The following FBXW9 variants were observed in gnomAD, a reference collection of about 807,000 sequenced individuals.
FBXW9 encodes F-box/WD repeat-containing protein 9.
FBXW9 carries 38 observed loss-of-function variants against 55.8 expected under a neutral mutation model. That is an observed-to-expected ratio of 0.68 (90% CI 0.53 to 0.89). The LOEUF is 0.89. FBXW9 is among the 40% of genes least tolerant of loss of function. FBXW9 has a pLI of 0.00. For synonymous variants in FBXW9, 289 were observed against 278.2 expected (o/e 1.04, Z -0.38); for missense variants, 590 against 619.4 (o/e 0.95, Z 0.50).
chr19:12,691,290 T>C, intron 4 of FBXW9, 33 bp from the exon 5 acceptor site: 1 of 1,613,872 alleles, frequency 6.2e-7, no homozygotes, highest in Non-Finnish European at 8.5e-7. Context: ...GCTTTGGCTG[T>C]GGCCAGACAG....
chr19:12,689,911 G>A lies in FBXW9; in HGVS notation c.1033-37C>T, dbSNP rs1406486580. ...ACAAGGGACGGGACAGCTCAGGCCG[G>A]GCTGGGCCTGCAACAGTCCCCATCC... On this transcript the variant is annotated intron_variant, in intron 6 of 9. Coordinates refer to ENST00000393261, the MANE Select transcript of FBXW9 (RefSeq NM_032301.3). This position sits in a 1 kb window ranked among gnomAD's most constrained non-coding sequence, Gnocchi z 5.9. 1 of 1,611,986 alleles carries A rather than the reference G, an allele frequency of 6.2e-7. No individual in the cohort carries two copies. The highest frequency in any genetic ancestry group is 8.5e-7 in the Non-Finnish European group (1 of 1,178,160).
chr19:12,689,052 C>T lies in FBXW9; in HGVS notation c.*164G>A, dbSNP rs1281479970. ...CCTGAACCCCAATTTCACCCTTCCC[C>T]CGGGCATAGGGCCCAGGCCAGGACG... On this transcript the variant is annotated 3_prime_UTR_variant, in exon 10 of 10. Coordinates refer to ENST00000393261, the MANE Select transcript of FBXW9 (RefSeq NM_032301.3). The surrounding 1 kb of genome is among the most constrained non-coding windows in gnomAD (Gnocchi z 5.9). The T allele has an allele frequency of 2.8e-6, 2 of 724,552 alleles. No individual in the cohort carries two copies. Among genetic ancestry groups the T allele is most frequent in the South Asian group, 3.0e-5 (2 of 67,658 alleles). The allele number at this position is 724,552 out of a possible 1,614,324, so 44.9% of individuals were successfully genotyped here. A position where few individuals can be genotyped will look rare whatever the true frequency, so the allele number is the denominator to read the frequency against.
Position 12,696,183 on chromosome 19 carries a change from T to A in FBXW9, c.399A>T (p.Pro133=), listed in dbSNP as rs2025067617. The A allele has an allele frequency of 1.3e-6, 2 of 1,511,542 alleles. No homozygotes were observed. Among genetic ancestry groups the A allele is most frequent in the Non-Finnish European group, 1.8e-6 (2 of 1,129,370 alleles). 93.6% of individuals were successfully genotyped at this position (1,511,542 alleles called of 1,614,324 possible). The part of the protein sequence containing the change: ...RALRRVRAPY[P]VVEEKNFDWP... ...CCCGGCCCCGCGCACCTTCCACCAC[T>A]GGGTAGGGCGCGCGTACGCGGCGTA... Residue 133 remains proline, a synonymous_variant, in exon 1 of 10, where the codon CCA becomes CCT. Coordinates refer to ENST00000393261, the MANE Select transcript of FBXW9 (RefSeq NM_032301.3).
intron 5 of FBXW9, among the ~76,000 whole-genome samples, chr19:12,690,621 T>A (rs1568325199): frequency 2.0e-5 from 3 of 151,652 alleles, no homozygotes; most frequent in East Asian, 1.9e-4. Flanking sequence ...GTTCTCCATT[T>A]AAAAAAAAGA....
In FBXW9 at chr19:12,691,849, G is replaced by A. The variant is rs533702456; in HGVS notation, c.679-395C>T. 9.9e-5 allele frequency among the ~76,000 whole-genome samples: 15 copies of A among 151,952 alleles called. 1 individual carries two copies. The South Asian group carries it at 2.3e-3, about 23-fold the overall frequency. ...TGGCTCACTGCAACCTCTGCCTCCC[G>A]TGTTCAAGTGATTCTCCTGCCTCAG... On this transcript the variant is annotated intron_variant, in intron 3 of 9. Coordinates refer to ENST00000393261, the MANE Select transcript of FBXW9 (RefSeq NM_032301.3).
intron 1 of FBXW9, among the ~76,000 whole-genome samples, chr19:12,695,832 C>G (rs920852408): frequency 2.0e-5 from 3 of 152,188 alleles, no homozygotes; most frequent in Non-Finnish European, 2.9e-5. Flanking sequence ...CCTAAGACTT[C>G]AAGTCCCTGT....
In FBXW9 at chr19:12,691,372, G is replaced by A. The variant is rs1479653307; in HGVS notation, c.761C>T (p.Ala254Val). 6.2e-7 allele frequency: 1 copy of A among 1,613,384 alleles called. No homozygotes were observed. The highest frequency in any genetic ancestry group is 1.7e-5 in the Admixed American group (1 of 59,932). The change falls in exon 4 of 10, where the codon GCA (alanine) becomes GTA (valine). Residue 254 changes from alanine to valine, a missense_variant. Coordinates refer to ENST00000393261, the MANE Select transcript of FBXW9 (RefSeq NM_032301.3). ...CTCGCCGAACTGCTGCCCATCCGCT[G>A]CCATGTCCCAGAGCTTCACTGTGCT... ...WDSTVKLWDM[A>V]ADGQQFGEIK...
chr19:12,692,854 G>C (rs2025025025), intron 3 of FBXW9, among the ~76,000 whole-genome samples: 1 of 152,156 alleles, frequency 6.6e-6, no homozygotes, highest in African/African-American at 2.4e-5. Context: ...GTCAAGTTCT[G>C]CAAGAACTCA....
Position 12,694,831 on chromosome 19 carries a change from C to G in FBXW9, c.517G>C (p.Val173Leu). The change falls in exon 2 of 10, where the codon GTG becomes CTG. Residue 173 changes from valine (V) to leucine (L), a missense_variant. Transcript: ENST00000393261. ...AGCAGCACTGAGTCAACGGAAGCCACGTGGCCTTCGGCCAGGCAGAAGTAT... is the reference window on the plus strand; with the variant it reads ...AGCAGCACTGAGTCAACGGAAGCCAGGTGGCCTTCGGCCAGGCAGAAGTAT... ...VEYFCLAEGH[V>L]ASVDSVLLLQ... 1 of 1,614,104 alleles carries G rather than the reference C, an allele frequency of 6.2e-7. No homozygotes were observed. The highest frequency in any genetic ancestry group is 8.5e-7 in the Non-Finnish European group (1 of 1,180,006).
chr19:12,689,540 C>T lies in FBXW9; in HGVS notation c.1236+1G>A. 5.6e-6 allele frequency: 9 copies of T among 1,614,018 alleles called. No homozygotes were observed. The highest frequency in any genetic ancestry group is 7.6e-6 in the Non-Finnish European group (9 of 1,179,956). ...GGGTGGGGGCTGGGCAGGAGCCTCA[C>T]CCGGATGGTCTTGTCAGTGGATGTG... On this transcript the variant is annotated splice_donor_variant, in intron 8 of 9. Coordinates refer to ENST00000393261, the MANE Select transcript of FBXW9 (RefSeq NM_032301.3). LOFTEE classifies it high-confidence loss of function. This position sits in a 1 kb window ranked among gnomAD's most constrained non-coding sequence, Gnocchi z 5.9.
At position 12,696,318 on chromosome 19, in the gene FBXW9, G is replaced by A. The variant is rs1240758614; in HGVS notation, c.264C>T (p.Leu88=). Residue 88 remains leucine, a synonymous_variant, in exon 1 of 10, where the codon CTC becomes CTT. Coordinates refer to ENST00000393261, the MANE Select transcript of FBXW9 (RefSeq NM_032301.3). The stretch of plus-strand genomic sequence containing the variant: ...GGGCGTCCAGGTAGGAGCAGATCTC[G>A]AGCAGCAGCTCCGGGGGAAGGCTCA... The part of the protein sequence containing the change: ...GLLSLPPELL[L]EICSYLDARL... 4 of 1,587,208 alleles carry A rather than the reference G, an allele frequency of 2.5e-6. No homozygotes were observed. Among genetic ancestry groups the A allele is most frequent in the African/African-American group, 1.3e-5 (1 of 74,530 alleles).
chr19:12,694,850 G>A lies in FBXW9; in HGVS notation c.498C>T (p.Phe166=), dbSNP rs372438679. 5.1e-5 allele frequency: 82 copies of A among 1,614,010 alleles called. No homozygotes were observed. The highest frequency in any genetic ancestry group is 6.9e-5 in the Non-Finnish European group (81 of 1,180,038). Reference sequence around the variant, plus strand: ...AAGCCACGTGGCCTTCGGCCAGGCAGAAGTATTCGACCCAGCGCCCATCCT... The same window carrying A: ...AAGCCACGTGGCCTTCGGCCAGGCAAAAGTATTCGACCCAGCGCCCATCCT... ...WAEDGRWVEY[F]CLAEGHVASV... is the part of the protein sequence containing the mutation. The change falls in exon 2 of 10, where the codon TTC becomes TTT. Residue 166 remains phenylalanine (F), a synonymous_variant. Transcript: ENST00000393261.
chr19:12,689,546 T>TG lies in FBXW9; in HGVS notation c.1230dup (p.Ile411HisfsTer19). 6.2e-7 allele frequency: 1 copy of TG among 1,613,976 alleles called. No homozygotes were observed. The highest frequency in any genetic ancestry group is 8.5e-7 in the Non-Finnish European group (1 of 1,179,946). The stretch of plus-strand genomic sequence containing the variant: ...GGGCTGGGCAGGAGCCTCACCCGGA[T>TG]GGTCTTGTCAGTGGATGTGGTGTAC... On this transcript the variant is annotated frameshift_variant, in exon 8 of 10. Coordinates refer to ENST00000393261, the MANE Select transcript of FBXW9 (RefSeq NM_032301.3). LOFTEE classifies it high-confidence loss of function. The surrounding 1 kb of genome is among the most constrained non-coding windows in gnomAD (Gnocchi z 5.9).
At position 12,689,972 on chromosome 19, in the gene FBXW9, T is replaced by C; in HGVS notation, c.1022A>G (p.Gln341Arg). The part of the protein sequence containing the change: ...VVDRRANSVL[Q>R]RLQLDSYLLC... Reference sequence around the variant, plus strand: ...CTGGGGAGGGCCCACCTGCAGACGCTGCAGGACGCTGTTGGCTCGGCGGTC... The same window carrying C: ...CTGGGGAGGGCCCACCTGCAGACGCCGCAGGACGCTGTTGGCTCGGCGGTC... The change falls in exon 6 of 10, where the codon CAG (glutamine) becomes CGG (arginine). Residue 341 changes from glutamine (Q) to arginine (R), a missense_variant. Transcript: ENST00000393261. This position sits in a 1 kb window ranked among gnomAD's most constrained non-coding sequence, Gnocchi z 5.9. 1 of 1,613,808 alleles carries C rather than the reference T, an allele frequency of 6.2e-7. No individual in the cohort carries two copies. The highest frequency in any genetic ancestry group is 8.5e-7 in the Non-Finnish European group (1 of 1,179,948).
Position 12,689,507 on chromosome 19 carries a change from C to A in FBXW9, c.1236+34G>T, listed in dbSNP as rs1456138938. 3 of 1,613,270 alleles carry A rather than the reference C, an allele frequency of 1.9e-6. No homozygotes were observed. Among genetic ancestry groups the A allele is most frequent in the Non-Finnish European group, 2.5e-6 (3 of 1,179,390 alleles). ...GATGGAGGTAGGGGAGAGGCAGGGACTGTCCTGGGGTGGGGGCTGGGCAGG... is the reference window on the plus strand; with the variant it reads ...GATGGAGGTAGGGGAGAGGCAGGGAATGTCCTGGGGTGGGGGCTGGGCAGG... On this transcript the variant is annotated intron_variant, in intron 8 of 9. Coordinates refer to ENST00000393261, the MANE Select transcript of FBXW9 (RefSeq NM_032301.3). The surrounding 1 kb of genome is among the most constrained non-coding windows in gnomAD (Gnocchi z 5.9).
At chr19:12,694,227 G>A (rs2025047099) in intron 3 of FBXW9, among the ~76,000 whole-genome samples, 1 of 150,066 alleles carries the variant, frequency 6.7e-6, no homozygotes, top group African/African-American at 2.5e-5. Flanking sequence ...TGTAGTCCCA[G>A]CTACTCAGGA....
chr19:12,696,121 G>T, intron 1 of FBXW9, 52 bp downstream of exon 1: 2 of 1,480,652 alleles, frequency 1.4e-6, no homozygotes, highest in South Asian at 2.6e-5. Context: ...CCCCAAGCCT[G>T]ACCTGGGCGG....
rs1486287959 is a variant in FBXW9 at position 12,694,849 on chromosome 19, A to G, written c.499T>C (p.Cys167Arg). The G allele has an allele frequency of 2.5e-6, 4 of 1,614,110 alleles. No homozygotes were observed. The highest frequency in any genetic ancestry group is 3.4e-6 in the Non-Finnish European group (4 of 1,180,016). ...AEDGRWVEYF[C>R]LAEGHVASVD... The stretch of plus-strand genomic sequence containing the variant: ...GAAGCCACGTGGCCTTCGGCCAGGC[A>G]GAAGTATTCGACCCAGCGCCCATCC... The change falls in exon 2 of 10, where the codon TGC becomes CGC. Residue 167 changes from cysteine to arginine, a missense_variant. Physicochemically the swap from Cys to Arg is radical, Grantham distance 180. Transcript: ENST00000393261.
chr19:12,689,653 C>T lies in FBXW9; in HGVS notation c.1147-23G>A. ...GGACTGCAGGAGGAGGATCAGGCAA[C>T]ACTCAGTCGAGGCTCTCCCAAGGCC... On this transcript the variant is annotated intron_variant, in intron 7 of 9. Coordinates refer to ENST00000393261, the MANE Select transcript of FBXW9 (RefSeq NM_032301.3). The surrounding 1 kb of genome is among the most constrained non-coding windows in gnomAD (Gnocchi z 5.9). The T allele has an allele frequency of 6.2e-7, 1 of 1,613,052 alleles. No homozygotes were observed. Among genetic ancestry groups the T allele is most frequent in the South Asian group, 1.1e-5 (1 of 91,018 alleles).
Sources: allele counts gnomAD v4.1 joint callset (sites outside exome capture counted in the v4.1 genomes callset), GRCh38; gene constraint gnomAD v4.1.1; non-coding constraint Gnocchi (gnomAD v3.1); transcripts MANE v1.5; gene names NCBI Gene and HGNC (gene_info 2026-07-23, HGNC 2026-07-21).